Variants in FRMPD4 observed in about 807,000 individuals in gnomAD.
The protein encoded by FRMPD4 is FERM and PDZ domain-containing protein 4.
FRMPD4 carries 22 observed loss-of-function variants against 94.1 expected under a neutral mutation model. The ratio of observed to expected loss-of-function variants is 0.23; its 90% CI spans 0.17 to 0.33. The LOEUF is 0.33. Ranked by LOEUF, FRMPD4 falls within the 10% of genes least tolerant of loss-of-function variation. The pLI, the probability that FRMPD4 is intolerant of heterozygous loss-of-function variation, is 1.00. For missense variants in FRMPD4, 1,111 were observed against 1,339.9 expected, an observed-to-expected ratio of 0.83 and a Z score of 2.67; for synonymous variants, 631 against 548.6, an observed-to-expected ratio of 1.15 and a Z score of -2.10.
intron 3 of FRMPD4, among the ~76,000 whole-genome samples, chrX:12,039,763 A>T (rs1289970416): frequency 6.4e-5 from 7 of 109,567 alleles, no homozygotes; most frequent in Non-Finnish European, 1.3e-4. Flanking sequence ...TGAGGTAGGG[A>T]CTCGGAGACC....
chrX:12,518,539 C>G (rs764868016), intron 2 of FRMPD4, among the ~76,000 whole-genome samples: 1 of 111,849 alleles, frequency 8.9e-6, no homozygotes, highest in East Asian at 2.8e-4. Context: ...AAAAAACACT[C>G]AGCAAACTAA....
chrX:12,550,055 G>T (rs1006315145), intron 2 of FRMPD4, among the ~76,000 whole-genome samples: 3 of 111,755 alleles, frequency 2.7e-5, no homozygotes, highest in African/African-American at 9.7e-5. Context: ...CCTAACCTGA[G>T]AATCTATGAC....
intron 4 of FRMPD4, among the ~76,000 whole-genome samples, chrX:12,665,212 G>A (rs142790225): frequency 1.8e-5 from 2 of 111,603 alleles, no homozygotes; most frequent in Non-Finnish European, 3.8e-5. Flanking sequence ...GGAGGCCGTA[G>A]CAGGTGGATC....
At chrX:11,983,140 G>C (rs2054405914) in intron 3 of FRMPD4, among the ~76,000 whole-genome samples, 1 of 112,168 alleles carries the variant, frequency 8.9e-6, no homozygotes, top group Non-Finnish European at 1.9e-5. Flanking sequence ...CATGAATTAG[G>C]AAAGCTCACC....
chrX:12,684,267 G>A (rs908554476), intron 6 of FRMPD4, among the ~76,000 whole-genome samples: 1 of 112,183 alleles, frequency 8.9e-6, no homozygotes. Flanking sequence ...ATCATCCAAG[G>A]CACTAATATT....
chrX:12,548,884 C>T (rs2058505586), intron 2 of FRMPD4, among the ~76,000 whole-genome samples: 1 of 111,154 alleles, frequency 9.0e-6, no homozygotes, highest in Non-Finnish European at 1.9e-5. Context: ...GTGAAGGAAG[C>T]CAATAGGGCC....
intron 3 of FRMPD4, among the ~76,000 whole-genome samples, chrX:12,039,967 CAAAA>C (rs367795862): frequency 9.4e-5 from 3 of 32,019 alleles, no homozygotes; most frequent in Non-Finnish European, 1.2e-4. Flanking sequence ...AAAACTTTGT[CAAAA>C]AAAAAAAAAA....
intron 2 of FRMPD4, among the ~76,000 whole-genome samples, chrX:12,509,068 C>CA (rs1401178109): frequency 3.9e-5 from 4 of 102,534 alleles, no homozygotes; most frequent in African/African-American, 7.1e-5. Flanking sequence ...TGGCCATAAT[C>CA]AAAAAACCAA....
At position 12,084,185 on chromosome X, in the gene FRMPD4, G is replaced by C. The variant is rs778957561; in HGVS notation, c.95+206167G>C. On this transcript the variant is annotated intron_variant, in intron 3 of 18. Transcript: ENST00000640291. ...TTATGGGAGGGACCCAGTGGGGGGG[G>C]GGGTAATTGAATCATGGGGGCTGGT... 4.1e-5 allele frequency among the ~76,000 whole-genome samples: 4 copies of C among 96,949 alleles called. No homozygotes were observed. The East Asian group carries it at 1.1e-3, about 26-fold the overall frequency. 84.2% of individuals were successfully genotyped at this position (96,949 alleles called of 115,157 possible).
At chrX:12,378,402 C>G (rs1398375115) in intron 1 of FRMPD4, among the ~76,000 whole-genome samples, 1 of 112,533 alleles carries the variant, frequency 8.9e-6, no homozygotes, top group Non-Finnish European at 1.9e-5. Flanking sequence ...CGCTTGCTCT[C>G]TAGTCATGTG....
chrX:11,856,379 C>T (rs943588142), intron 1 of FRMPD4, among the ~76,000 whole-genome samples: 3 of 111,695 alleles, frequency 2.7e-5, no homozygotes, highest in Non-Finnish European at 5.7e-5. Flanking sequence ...GCTTCATTCC[C>T]GGGATGCAAG....
At position 12,721,581 on chromosome X, in the gene FRMPD4, T is replaced by C. The variant is rs780019218; in HGVS notation, c.5012T>C (p.Leu1671Pro). Residue 1671 changes from leucine to proline, a missense_variant, in exon 17 of 17, where the codon CTC becomes CCC. Leu to Pro is a moderately conservative substitution (Grantham distance 98). Coordinates refer to ENST00000675598, the MANE Select transcript of FRMPD4 (RefSeq NM_001368397.1). The part of the protein sequence containing the change: ...AMAEKSPEEM[L>P]LAMTSSFQVL... ...GCTGAGAAAAGCCCGGAGGAGATGC[T>C]CCTAGCTATGACTTCCAGCTTTCAA... 2.7e-6 allele frequency: 2 copies of C among 753,661 alleles called. No individual in the cohort carries two copies. The highest frequency in any genetic ancestry group is 3.1e-6 in the Non-Finnish European group (2 of 638,341). 62.1% of individuals were successfully genotyped at this position (753,661 alleles called of 1,213,427 possible).
chrX:12,164,589 T>C (rs2056081412), intron 1 of FRMPD4, among the ~76,000 whole-genome samples: 1 of 112,063 alleles, frequency 8.9e-6, no homozygotes, highest in South Asian at 3.8e-4. Flanking sequence ...GGTCAAATGG[T>C]ATTTCTAGTT....
At chrX:12,691,385 C>T (rs974136290) in intron 8 of FRMPD4, among the ~76,000 whole-genome samples, 1 of 110,691 alleles carries the variant, frequency 9.0e-6, no homozygotes, top group Non-Finnish European at 1.9e-5. Flanking sequence ...TGGGCTCAAA[C>T]GATCCTTCCA....
chrX:12,270,264 G>A (rs866362366), intron 1 of FRMPD4, among the ~76,000 whole-genome samples: 1 of 106,885 alleles, frequency 9.4e-6, no homozygotes, highest in Admixed American at 1.0e-4. Flanking sequence ...TGTCTTTTTT[G>A]AAAAAAAAAT....
chrX:12,148,004 G>A (rs1442939990), intron 1 of FRMPD4, among the ~76,000 whole-genome samples: 1 of 111,752 alleles, frequency 8.9e-6, no homozygotes, highest in Admixed American at 9.5e-5. Flanking sequence ...ATTCCCTCAT[G>A]TCTCTCCCTT....
intron 1 of FRMPD4, among the ~76,000 whole-genome samples, chrX:12,223,217 C>G (rs1187608321): frequency 8.9e-6 from 1 of 111,756 alleles, no homozygotes; most frequent in East Asian, 2.8e-4. Flanking sequence ...TGCCCATAAA[C>G]AGACTGGATA....
At chrX:11,910,793 G>C (rs774294724) in intron 3 of FRMPD4, among the ~76,000 whole-genome samples, 2 of 111,917 alleles carry the variant, frequency 1.8e-5, no homozygotes, top group Non-Finnish European at 3.8e-5. Context: ...TCAAAACACA[G>C]AGATATACCT....
At chrX:12,698,635 T>C (rs766878235) in intron 9 of FRMPD4, among the ~76,000 whole-genome samples, 2 of 110,181 alleles carry the variant, frequency 1.8e-5, no homozygotes, top group African/African-American at 6.6e-5. Context: ...TTGGAATATA[T>C]ATATATGTTC....
Sources: allele counts gnomAD v4.1 joint callset (sites outside exome capture counted in the v4.1 genomes callset), GRCh38; gene constraint gnomAD v4.1.1; transcripts MANE v1.5; gene names NCBI Gene and HGNC (gene_info 2026-07-23, HGNC 2026-07-21).